The following LPAR1 variants were observed in gnomAD, a reference collection of about 807,000 sequenced individuals.
LPAR1 encodes LPA receptor 1.
In LPAR1, 5 loss-of-function variants were observed where a neutral mutation model predicts 23.8. That is an observed-to-expected ratio of 0.21 (90% CI 0.11 to 0.44). The LOEUF (loss-of-function observed/expected upper bound fraction) is 0.44. Ranked by LOEUF, LPAR1 falls within the 20% of genes least tolerant of loss-of-function variation. The pLI, the probability that LPAR1 is intolerant of heterozygous loss-of-function variation, is 0.99. For missense variants in LPAR1, 311 were observed against 482.8 expected (o/e 0.64, Z 3.33); for synonymous variants, 160 against 164.7 (o/e 0.97, Z 0.22).
intron 4 of LPAR1, among the ~76,000 whole-genome samples, chr9:110,944,800 A>T (rs1316755171): frequency 6.6e-6 from 1 of 152,226 alleles, no homozygotes; most frequent in Non-Finnish European, 1.5e-5. Flanking sequence ...GTAATACCAT[A>T]AAAACCATAC....
intron 5 of LPAR1, among the ~76,000 whole-genome samples, chr9:110,916,316 C>T (rs1231891261): frequency 1.3e-5 from 2 of 152,154 alleles, no homozygotes; most frequent in Non-Finnish European, 2.9e-5. Context: ...GAGCTGGGAT[C>T]TTACTCTAAA....
In LPAR1 at chr9:110,933,624, T is replaced by C. The variant is rs57013203; in HGVS notation, c.793+7797A>G. On this transcript the variant is annotated intron_variant, in intron 5 of 5. Coordinates refer to ENST00000683809, the MANE Select transcript of LPAR1 (RefSeq NM_001351411.2). ...ACTCCAGATCTAAACTCTCAACCCC[T>C]AGGAAACAGTGATTCTCAGTGGTCA... is the stretch of plus-strand genomic sequence containing the variant. 2.1e-3 allele frequency among the ~76,000 whole-genome samples: 313 copies of C among 152,222 alleles called. 1 individual carries two copies. Among genetic ancestry groups the C allele is most frequent in the African/African-American group, 6.9e-3 (285 of 41,540 alleles).
chr9:110,881,131 G>A (rs2080682257), intron 5 of LPAR1, among the ~76,000 whole-genome samples: 1 of 151,976 alleles, frequency 6.6e-6, no homozygotes, highest in South Asian at 2.1e-4. Flanking sequence ...TTTACCTGAG[G>A]TATCTCCACA....
intron 2 of LPAR1, among the ~76,000 whole-genome samples, chr9:110,984,007 GTGGGGTATA>G (rs1316541072): frequency 2.0e-5 from 3 of 151,838 alleles, no homozygotes; most frequent in Non-Finnish European, 4.4e-5. Flanking sequence ...GTATATATTT[GTGGGGTATA>G]TGGGATATTC....
At chr9:111,012,367 T>A (rs1276903585) in intron 2 of LPAR1, among the ~76,000 whole-genome samples, 1 of 152,146 alleles carries the variant, frequency 6.6e-6, no homozygotes, top group Non-Finnish European at 1.5e-5. Context: ...TCTCTGGCAT[T>A]TCTGATGACA....
At chr9:110,955,074 T>C (rs1030400234) in intron 4 of LPAR1, among the ~76,000 whole-genome samples, 2 of 151,980 alleles carry the variant, frequency 1.3e-5, no homozygotes, top group African/African-American at 4.8e-5. Flanking sequence ...ACAGGAATAA[T>C]CCCTCACATA....
At chr9:110,907,916 A>ACAC (rs2091629703) in intron 5 of LPAR1, among the ~76,000 whole-genome samples, 1 of 139,714 alleles carries the variant, frequency 7.2e-6, no homozygotes, top group African/African-American at 2.7e-5. Context: ...CCTTTGACAA[A>ACAC]ACACACACAC....
At chr9:110,926,805 A>AC (rs2094072560) in intron 5 of LPAR1, among the ~76,000 whole-genome samples, 1 of 152,180 alleles carries the variant, frequency 6.6e-6, no homozygotes, top group African/African-American at 2.4e-5. Flanking sequence ...TACTCACAGT[A>AC]CCAAAAATGT....
At chr9:110,897,231 G>C (rs1231147059) in intron 5 of LPAR1, among the ~76,000 whole-genome samples, 15 of 152,126 alleles carry the variant, frequency 9.9e-5, no homozygotes, top group Non-Finnish European at 1.3e-4. Context: ...CTGAATCATG[G>C]GGGAGGGTCT....
intron 5 of LPAR1, among the ~76,000 whole-genome samples, chr9:110,896,157 C>T (rs958580600): frequency 2.0e-4 from 31 of 152,284 alleles, no homozygotes; most frequent in African/African-American, 7.0e-4. Flanking sequence ...AATGAAGAAC[C>T]TCAAGTCCTG....
chr9:110,918,094 G>GT (rs559979059), intron 5 of LPAR1, among the ~76,000 whole-genome samples: 330 of 151,974 alleles, frequency 2.2e-3, no homozygotes, highest in African/African-American at 7.7e-3. Context: ...TTGTTTGTTT[G>GT]TTTTTTTGTA....
At chr9:110,990,883 G>A (rs2096880484) in intron 2 of LPAR1, among the ~76,000 whole-genome samples, 1 of 151,934 alleles carries the variant, frequency 6.6e-6, no homozygotes, top group African/African-American at 2.4e-5. Context: ...ATTGAAAGAG[G>A]GGTCATTACT....
intron 5 of LPAR1, among the ~76,000 whole-genome samples, chr9:110,931,861 G>A (rs1257767757): frequency 6.6e-6 from 1 of 152,178 alleles, no homozygotes; most frequent in African/African-American, 2.4e-5. Context: ...TGAGGGCTCT[G>A]TTCTGTTCCA....
intron 2 of LPAR1, among the ~76,000 whole-genome samples, chr9:111,011,217 C>T (rs981437367): frequency 6.6e-5 from 10 of 152,122 alleles, no homozygotes; most frequent in Non-Finnish European, 1.0e-4. Flanking sequence ...GCCTCGAATT[C>T]GTGTAGAGTG....
chr9:111,008,150 G>A (rs538953078), intron 2 of LPAR1, among the ~76,000 whole-genome samples: 2 of 151,416 alleles, frequency 1.3e-5, no homozygotes, highest in African/African-American at 2.4e-5. Context: ...CTCCAACCTG[G>A]GCAATAGAAC....
chr9:110,961,432 C>A (rs1321781221), intron 4 of LPAR1, among the ~76,000 whole-genome samples: 1 of 151,438 alleles, frequency 6.6e-6, no homozygotes, highest in Non-Finnish European at 1.5e-5. Flanking sequence ...ACCAGCCTGG[C>A]CAACATGGTG....
At chr9:110,998,566 A>G (rs1302527204) in intron 2 of LPAR1, among the ~76,000 whole-genome samples, 1 of 152,242 alleles carries the variant, frequency 6.6e-6, no homozygotes, top group Non-Finnish European at 1.5e-5. Context: ...TCCTAAGAGC[A>G]TGTTAAGTTT....
chr9:111,019,205 C>T (rs1430620336), intron 2 of LPAR1, among the ~76,000 whole-genome samples: 1 of 152,092 alleles, frequency 6.6e-6, no homozygotes, highest in East Asian at 1.9e-4. Flanking sequence ...GGTATGGTGG[C>T]TCACACCTCT....
At chr9:111,026,740 G>A (rs1425182359) in intron 2 of LPAR1, among the ~76,000 whole-genome samples, 1 of 152,116 alleles carries the variant, frequency 6.6e-6, no homozygotes. Flanking sequence ...GCATGAAAGG[G>A]TGTTGAATTT....
Sources: allele counts gnomAD v4.1 joint callset (sites outside exome capture counted in the v4.1 genomes callset), GRCh38; gene constraint gnomAD v4.1.1; transcripts MANE v1.5; gene names NCBI Gene and HGNC (gene_info 2026-07-23, HGNC 2026-07-21).